SGCZ: variants seen among roughly 807,000 people sequenced by gnomAD.
SGCZ encodes the protein zeta-sarcoglycan.
A neutral mutation model predicts 41.3 loss-of-function variants in SGCZ; 40 were observed. The ratio of observed to expected loss-of-function variants is 0.97; its 90% CI spans 0.75 to 1.26. The LOEUF (loss-of-function observed/expected upper bound fraction) is 1.26, where lower values mean the gene tolerates loss of function less well. Among genes scored for constraint, SGCZ ranks in the 50% most tolerant of loss-of-function variants. SGCZ has a pLI of 0.00. For synonymous variants in SGCZ, 206 were observed against 137.5 expected (o/e 1.50, Z -3.49); for missense variants, 552 against 369.8 (o/e 1.49, Z -4.04).
At chr8:15,119,706 A>T (rs1807407448) in intron 1 of SGCZ, among the ~76,000 whole-genome samples, 1 of 152,066 alleles carries the variant, frequency 6.6e-6, no homozygotes, top group Non-Finnish European at 1.5e-5. Flanking sequence ...GCTTTCTATC[A>T]TTATCATTAG....
intron 1 of SGCZ, among the ~76,000 whole-genome samples, chr8:15,024,885 G>A (rs377126522): frequency 1.3e-5 from 2 of 151,902 alleles, no homozygotes; most frequent in African/African-American, 2.4e-5. Context: ...GCAGTGAGCC[G>A]AGATGGCGCC....
At chr8:14,751,717 T>A (rs1299663170) in intron 1 of SGCZ, among the ~76,000 whole-genome samples, 4 of 151,984 alleles carry the variant, frequency 2.6e-5, no homozygotes, top group Non-Finnish European at 1.5e-5. Flanking sequence ...CCCGGCTAAT[T>A]TTTTGTATTT....
intron 2 of SGCZ, among the ~76,000 whole-genome samples, chr8:14,490,395 T>C (rs1801809006): frequency 6.6e-6 from 1 of 152,202 alleles, no homozygotes; most frequent in African/African-American, 2.4e-5. Flanking sequence ...ATATGGACTT[T>C]CTTTGAATCC....
chr8:14,771,525 A>G (rs1193077994), intron 1 of SGCZ, among the ~76,000 whole-genome samples: 1 of 152,102 alleles, frequency 6.6e-6, no homozygotes, highest in African/African-American at 2.4e-5. Context: ...GACTATGTCA[A>G]CTTAATCTAG....
intron 1 of SGCZ, among the ~76,000 whole-genome samples, chr8:14,992,882 C>T (rs966016538): frequency 6.9e-6 from 1 of 145,748 alleles, no homozygotes; most frequent in Admixed American, 6.9e-5. Context: ...ATTTACCTCT[C>T]GCCCATCCTC....
intron 2 of SGCZ, among the ~76,000 whole-genome samples, chr8:14,437,209 G>C (rs1800118417): frequency 6.6e-6 from 1 of 152,076 alleles, no homozygotes; most frequent in Admixed American, 6.5e-5. Flanking sequence ...TTATGCAATG[G>C]ATCTGGCAGA....
intron 3 of SGCZ, among the ~76,000 whole-genome samples, chr8:14,301,210 T>TATGTAA (rs1801175122): frequency 6.6e-6 from 1 of 152,042 alleles, no homozygotes; most frequent in Non-Finnish European, 1.5e-5. Context: ...GAGATTTACG[T>TATGTAA]ATCTGATTCC....
rs564822501 is a variant in SGCZ at position 14,528,014 on chromosome 8, A to G, written c.234+26718T>C. ...ACATGTTTCAAAATTAGCTAATAGT[A>G]CAGATGGGAGGTGATGCCTCAGTCA... On this transcript the variant is annotated intron_variant, in intron 2 of 7. Coordinates refer to ENST00000382080, the MANE Select transcript of SGCZ (RefSeq NM_139167.4). 3.6e-3 allele frequency among the ~76,000 whole-genome samples: 546 copies of G among 152,226 alleles called. 5 individuals carry two copies. The highest frequency in any genetic ancestry group is 0.012 in the African/African-American group (490 of 41,556).
intron 2 of SGCZ, among the ~76,000 whole-genome samples, chr8:14,375,441 T>G (rs1175227361): frequency 2.0e-5 from 3 of 152,144 alleles, no homozygotes; most frequent in African/African-American, 7.2e-5. Context: ...GAAGGTTGAC[T>G]AACTACCTAT....
At chr8:15,172,891 C>A (rs1585638705) in intron 1 of SGCZ, among the ~76,000 whole-genome samples, 1 of 152,154 alleles carries the variant, frequency 6.6e-6, no homozygotes, top group South Asian at 2.1e-4. Flanking sequence ...GATGTATATA[C>A]AAAGAGGAAA....
chr8:14,139,554 T>G (rs1429229380), intron 5 of SGCZ, among the ~76,000 whole-genome samples: 1 of 152,052 alleles, frequency 6.6e-6, no homozygotes, highest in Non-Finnish European at 1.5e-5. Flanking sequence ...AAGAATACTA[T>G]AAACACCTCT....
At chr8:14,627,825 C>T (rs17119927) in intron 1 of SGCZ, among the ~76,000 whole-genome samples, 333 of 152,074 alleles carry the variant, frequency 2.2e-3, no homozygotes, top group African/African-American at 7.8e-3. Flanking sequence ...AAAGGAAAGG[C>T]TCTGACGTTA....
intron 1 of SGCZ, among the ~76,000 whole-genome samples, chr8:14,618,349 G>C (rs530991910): frequency 1.3e-5 from 2 of 152,266 alleles, no homozygotes; most frequent in East Asian, 3.9e-4. Context: ...GGCAAGCCCT[G>C]TAGAAAGAAC....
intron 1 of SGCZ, among the ~76,000 whole-genome samples, chr8:14,937,059 G>C (rs993562793): frequency 6.6e-6 from 1 of 151,610 alleles, no homozygotes; most frequent in Non-Finnish European, 1.5e-5. Flanking sequence ...AGATTAATAA[G>C]ATAGAAAATA....
rs561830020 is a variant in SGCZ at position 14,717,234 on chromosome 8, A to G, written c.40-162308T>C. On this transcript the variant is annotated intron_variant, in intron 1 of 7. Coordinates refer to ENST00000382080, the MANE Select transcript of SGCZ (RefSeq NM_139167.4). ...TCAATACCATCAATAATTATTTTAT[A>G]TTTGTTAATATTTAAGCAAATGATT... Among the ~76,000 whole-genome samples, 5 of 152,240 alleles carry G rather than the reference A, an allele frequency of 3.3e-5. No individual in the cohort carries two copies. In the South Asian group the frequency reaches 8.3e-4, roughly 25 times the overall value.
At chr8:14,793,654 T>G (rs767738796) in intron 1 of SGCZ, among the ~76,000 whole-genome samples, 3 of 152,070 alleles carry the variant, frequency 2.0e-5, no homozygotes, top group Non-Finnish European at 4.4e-5. Flanking sequence ...CTTTAGGAAT[T>G]TGGGGTAAAG....
At chr8:14,766,724 G>A (rs1480660513) in intron 1 of SGCZ, among the ~76,000 whole-genome samples, 2 of 122,968 alleles carry the variant, frequency 1.6e-5, no homozygotes, top group South Asian at 2.8e-4. Context: ...ACCATGTCCA[G>A]CTATTTTTTT....
intron 1 of SGCZ, among the ~76,000 whole-genome samples, chr8:15,158,741 T>G (rs1799409802): frequency 6.6e-6 from 1 of 152,146 alleles, no homozygotes; most frequent in African/African-American, 2.4e-5. Flanking sequence ...AGTTTAGGAT[T>G]TCCCCAAAGA....
chr8:14,787,838 C>T (rs1800818577), intron 1 of SGCZ, among the ~76,000 whole-genome samples: 1 of 151,670 alleles, frequency 6.6e-6, no homozygotes, highest in Non-Finnish European at 1.5e-5. Context: ...AACAGTGAAA[C>T]TCCATTTCAA....
Sources: gnomAD v4.1 joint callset for allele counts (sites outside exome capture counted in the v4.1 genomes callset) on GRCh38, gnomAD v4.1.1 for gene constraint, MANE v1.5 for transcripts, NCBI Gene and HGNC (gene_info 2026-07-23, HGNC 2026-07-21) for gene names.